The following RAD18 variants were observed in gnomAD, a reference collection of about 807,000 sequenced individuals.
RAD18 encodes E3 ubiquitin-protein ligase RAD18.
RAD18 carries 47 observed loss-of-function variants against 60.4 expected under a neutral mutation model. The observed-to-expected ratio is 0.78, with a 90% CI of 0.62 to 0.99. The LOEUF (loss-of-function observed/expected upper bound fraction) is 0.99, where lower values mean the gene tolerates loss of function less well. Ranked by LOEUF, RAD18 falls within the 50% of genes least tolerant of loss-of-function variation. RAD18 has a pLI of 0.00. For synonymous variants in RAD18, 225 were observed against 195.5 expected (o/e 1.15, Z -1.26); for missense variants, 640 against 593.3 (o/e 1.08, Z -0.82).
chr3:8,896,395 C>A (rs1413341371), intron 11 of RAD18, among the ~76,000 whole-genome samples: 1 of 151,882 alleles, frequency 6.6e-6, no homozygotes, highest in African/African-American at 2.4e-5. Context: ...TTTAATCTGG[C>A]TTCAGTGCCT....
intron 8 of RAD18, chr3:8,912,597 A>C: frequency 3.2e-6 from 1 of 308,208 alleles, no homozygotes; most frequent in Non-Finnish European, 5.9e-6. Flanking sequence ...AAAATGCAAC[A>C]TGATTCAATT....
At chr3:8,937,065 G>C (rs943353888) in intron 6 of RAD18, among the ~76,000 whole-genome samples, 4 of 152,106 alleles carry the variant, frequency 2.6e-5, no homozygotes, top group African/African-American at 9.7e-5. Flanking sequence ...ACTGTGAAAA[G>C]ACCTGCAAAC....
intron 11 of RAD18, among the ~76,000 whole-genome samples, chr3:8,890,976 C>T (rs1939675556): frequency 6.6e-6 from 1 of 151,918 alleles, no homozygotes. Context: ...TTACACTTTT[C>T]CCCCAATCCC....
chr3:8,962,160 G>T (rs776827393), intron 1 of RAD18, among the ~76,000 whole-genome samples: 1 of 152,168 alleles, frequency 6.6e-6, no homozygotes, highest in Non-Finnish European at 1.5e-5. Context: ...TCAATCCTAT[G>T]AACTGTTATT....
At position 8,877,648 on chromosome 3, in the gene RAD18, T is replaced by G. The variant is rs938245547; in HGVS notation, c.*3709A>C. 2.0e-5 allele frequency: 3 copies of G among 152,264 alleles called. No individual in the cohort carries two copies. Among genetic ancestry groups the G allele is most frequent in the African/African-American group, 7.2e-5 (3 of 41,468 alleles). The allele number at this position is 152,264 out of a possible 1,614,324, so 9.4% of individuals were successfully genotyped here. A position where few individuals can be genotyped will look rare whatever the true frequency, so the allele number is the denominator to read the frequency against. On this transcript the variant is annotated 3_prime_UTR_variant, in exon 13 of 13. Coordinates refer to ENST00000264926, the MANE Select transcript of RAD18 (RefSeq NM_020165.4). ...ATGAACCTCTCTTTTGTTGCACTCA[T>G]CACAGTTGTACATTAATCTATATAA...
chr3:8,957,455 T>G (rs143594003), intron 2 of RAD18, among the ~76,000 whole-genome samples: 11 of 152,330 alleles, frequency 7.2e-5, no homozygotes, highest in African/African-American at 2.6e-4. Context: ...AGTGTGGTAC[T>G]GGCACAAGGA....
chr3:8,952,826 T>G (rs977099772), intron 2 of RAD18, among the ~76,000 whole-genome samples: 33 of 152,198 alleles, frequency 2.2e-4, no homozygotes, highest in African/African-American at 7.0e-4. Context: ...AACTAATATG[T>G]GGCAAAGGAA....
chr3:8,947,325 A>G lies in RAD18; in HGVS notation c.196-35T>C, dbSNP rs748089670. On this transcript the variant is annotated intron_variant, in intron 3 of 12. Coordinates refer to ENST00000264926, the MANE Select transcript of RAD18 (RefSeq NM_020165.4). Reference sequence around the variant, plus strand: ...ACAAACAACAGATGGAAAAAGGTCAAAAACAATAATCAACTTGTCATAATC... The same window carrying G: ...ACAAACAACAGATGGAAAAAGGTCAGAAACAATAATCAACTTGTCATAATC... The G allele has an allele frequency of 3.8e-5, 56 of 1,488,222 alleles. No homozygotes were observed. The Middle Eastern group carries it at 2.7e-3, about 73-fold the overall frequency. 92.2% of individuals were successfully genotyped at this position (1,488,222 alleles called of 1,614,324 possible). A position where few individuals can be genotyped will look rare whatever the true frequency, so the allele number is the denominator to read the frequency against.
At chr3:8,908,796 T>C (rs1163880488) in intron 9 of RAD18, among the ~76,000 whole-genome samples, 1 of 152,232 alleles carries the variant, frequency 6.6e-6, no homozygotes, top group African/African-American at 2.4e-5. Flanking sequence ...CACTTATCAC[T>C]TCCTAAAATA....
chr3:8,945,675 T>A (rs1468441229), intron 4 of RAD18, among the ~76,000 whole-genome samples: 1 of 152,020 alleles, frequency 6.6e-6, no homozygotes, highest in Non-Finnish European at 1.5e-5. Context: ...TTTCACCATG[T>A]TGGCCAGGAT....
chr3:8,923,709 T>A (rs1156713165), intron 7 of RAD18, among the ~76,000 whole-genome samples: 1 of 152,174 alleles, frequency 6.6e-6, no homozygotes, highest in South Asian at 2.1e-4. Flanking sequence ...GACTAACAGC[T>A]GATCTCCTGG....
In RAD18 at chr3:8,959,002, C is replaced by T; in HGVS notation, c.52-1G>A. ...CACACCGCAGCAAATCATCTATTGT[C>T]TGAAATGCAAATATGCATATATACA... On this transcript the variant is annotated splice_acceptor_variant, in intron 1 of 12. Coordinates refer to ENST00000264926, the MANE Select transcript of RAD18 (RefSeq NM_020165.4). LOFTEE classifies it high-confidence loss of function. 6.2e-7 allele frequency: 1 copy of T among 1,613,030 alleles called. No homozygotes were observed. The highest frequency in any genetic ancestry group is 1.1e-5 in the South Asian group (1 of 91,050).
At position 8,881,356 on chromosome 3, in the gene RAD18, A is replaced by G. The variant is rs1939458413; in HGVS notation, c.*1T>C. 1 of 1,595,734 alleles carries G rather than the reference A, an allele frequency of 6.3e-7. No homozygotes were observed. The highest frequency in any genetic ancestry group is 8.6e-7 in the Non-Finnish European group (1 of 1,164,064). Reference sequence around the variant, plus strand: ...ATTTGAAAAGTCAGCAAAAGCCCACATTAATTCCTATTACGCTTGTTTCTT... The same window carrying G: ...ATTTGAAAAGTCAGCAAAAGCCCACGTTAATTCCTATTACGCTTGTTTCTT... On this transcript the variant is annotated 3_prime_UTR_variant, in exon 13 of 13. Coordinates refer to ENST00000264926, the MANE Select transcript of RAD18 (RefSeq NM_020165.4).
intron 11 of RAD18, among the ~76,000 whole-genome samples, chr3:8,892,879 G>A (rs897670969): frequency 6.6e-6 from 1 of 152,146 alleles, no homozygotes; most frequent in Non-Finnish European, 1.5e-5. Flanking sequence ...GTTACTTACT[G>A]TGTAATTTTG....
chr3:8,951,638 C>T (rs551032574), intron 2 of RAD18, among the ~76,000 whole-genome samples: 168 of 152,238 alleles, frequency 1.1e-3, no homozygotes, highest in African/African-American at 3.8e-3. Flanking sequence ...AAAATAATAA[C>T]GAAGTATTCA....
At chr3:8,960,086 C>A (rs1447044021) in intron 1 of RAD18, among the ~76,000 whole-genome samples, 1 of 151,948 alleles carries the variant, frequency 6.6e-6, no homozygotes, top group Non-Finnish European at 1.5e-5. Context: ...GGCAGGAGAA[C>A]TGCTTGAGTC....
intron 9 of RAD18, among the ~76,000 whole-genome samples, chr3:8,908,685 C>T (rs1161050985): frequency 6.6e-6 from 1 of 152,130 alleles, no homozygotes; most frequent in Non-Finnish European, 1.5e-5. Flanking sequence ...AACCCTAGCA[C>T]ACTAATAAAA....
chr3:8,930,208 T>TATTC (rs1182953624), intron 7 of RAD18, among the ~76,000 whole-genome samples: 1 of 152,234 alleles, frequency 6.6e-6, no homozygotes, highest in African/African-American at 2.4e-5. Flanking sequence ...AGATGTGACA[T>TATTC]ATTCATACAA....
chr3:8,951,920 C>T (rs1016330217), intron 2 of RAD18, among the ~76,000 whole-genome samples: 1 of 152,360 alleles, frequency 6.6e-6, no homozygotes, highest in South Asian at 2.1e-4. Flanking sequence ...CACCTGCTCA[C>T]TGCGTCCTCC....
Sources: allele counts gnomAD v4.1 joint callset (sites outside exome capture counted in the v4.1 genomes callset), GRCh38; gene constraint gnomAD v4.1.1; transcripts MANE v1.5; gene names NCBI Gene and HGNC (gene_info 2026-07-23, HGNC 2026-07-21).